Variants in INSC observed in about 807,000 individuals in gnomAD.
INSC encodes the protein INSC spindle orientation adaptor protein, also known as protein inscuteable homolog.
A neutral mutation model predicts 58.6 loss-of-function variants in INSC; 67 were observed. The ratio of observed to expected loss-of-function variants is 1.14; its 90% CI spans 0.94 to 1.40. The LOEUF is 1.40. Among genes scored for constraint, INSC ranks in the 40% most tolerant of loss-of-function variants. INSC has a pLI of 0.00. For missense variants in INSC, 714 were observed against 692.0 expected (o/e 1.03, Z -0.36); for synonymous variants, 262 against 276.1 (o/e 0.95, Z 0.51).
At chr11:15,210,505 TTGTGTGTGTGTGTGTGTG>T (rs56375160) in intron 7 of INSC, among the ~76,000 whole-genome samples, 1 of 135,466 alleles carries the variant, frequency 7.4e-6, no homozygotes, top group Non-Finnish European at 1.6e-5. Context: ...ATTTGAGAGT[TTGTGTGTGTGTGTGTGTG>T]TGTGTGTGTG....
At position 15,146,051 on chromosome 11, in the gene INSC, A is replaced by G. The variant is rs567082287; in HGVS notation, c.-45-3079A>G. Among the ~76,000 whole-genome samples the G allele has an allele frequency of 4.6e-5, 7 of 152,368 alleles. No homozygotes were observed. In the East Asian group the frequency reaches 1.3e-3, roughly 29 times the overall value. ...CTGAATTTAAGAGGTCTCATCTGTA[A>G]CAGAGGATGATGATGGCATTAAACG... On this transcript the variant is annotated intron_variant, in intron 1 of 12. Coordinates refer to ENST00000379556, the MANE Select transcript of INSC (RefSeq NM_001042536.3).
At chr11:15,226,514 C>G (rs1851645227) in intron 9 of INSC, among the ~76,000 whole-genome samples, 1 of 152,350 alleles carries the variant, frequency 6.6e-6, no homozygotes, top group East Asian at 1.9e-4. Flanking sequence ...TCTGGCCACA[C>G]TTGGCCTCCC....
chr11:15,232,922 G>A (rs559293976), intron 9 of INSC, among the ~76,000 whole-genome samples: 18 of 152,300 alleles, frequency 1.2e-4, no homozygotes, highest in African/African-American at 3.6e-4. Flanking sequence ...TCAACAACTT[G>A]ATTTTTGCTA....
At chr11:15,178,817 A>C (rs531219688) in intron 5 of INSC, among the ~76,000 whole-genome samples, 1 of 152,236 alleles carries the variant, frequency 6.6e-6, no homozygotes, top group South Asian at 2.1e-4. Flanking sequence ...GAGCTCCCTG[A>C]GGTCTTTTGC....
intron 7 of INSC, among the ~76,000 whole-genome samples, chr11:15,207,788 A>C (rs934817105): frequency 1.3e-5 from 2 of 152,204 alleles, no homozygotes; most frequent in African/African-American, 4.8e-5. Flanking sequence ...AAGCAAAAAA[A>C]CCTCACTTTA....
chr11:15,217,171 C>T (rs1041460254), intron 7 of INSC, among the ~76,000 whole-genome samples: 1 of 152,146 alleles, frequency 6.6e-6, no homozygotes, highest in African/African-American at 2.4e-5. Context: ...ACTTAACAAT[C>T]ATGGTGGAAG....
chr11:15,239,662 A>AT (rs754711933), intron 11 of INSC, among the ~76,000 whole-genome samples: 3 of 152,202 alleles, frequency 2.0e-5, no homozygotes, highest in Non-Finnish European at 4.4e-5. Context: ...GAGGTGACAG[A>AT]TAAAAAAAGA....
At chr11:15,198,356 G>A (rs1259594659) in intron 6 of INSC, among the ~76,000 whole-genome samples, 1 of 152,136 alleles carries the variant, frequency 6.6e-6, no homozygotes, top group African/African-American at 2.4e-5. Context: ...TCTCCTGGTA[G>A]CTAAAAGTGC....
the INSC span, among the ~76,000 whole-genome samples, chr11:15,252,796 C>T: frequency 6.6e-6 from 1 of 152,106 alleles, no homozygotes; most frequent in African/African-American, 2.4e-5. Context: ...ATTTTAAAAC[C>T]ACCACATTGA....
intron 7 of INSC, among the ~76,000 whole-genome samples, chr11:15,206,533 A>T (rs997199877): frequency 6.6e-6 from 1 of 152,074 alleles, no homozygotes; most frequent in Non-Finnish European, 1.5e-5. Context: ...GAGGGAGAAA[A>T]TGAGGGCCAA....
chr11:15,259,084 T>G, the INSC span, among the ~76,000 whole-genome samples: 1 of 152,192 alleles, frequency 6.6e-6, no homozygotes, highest in African/African-American at 2.4e-5. Flanking sequence ...TGTGTGGACA[T>G]CTTTCCAGAA....
intron 1 of INSC, among the ~76,000 whole-genome samples, chr11:15,128,682 C>T (rs1380519828): frequency 1.3e-5 from 2 of 152,218 alleles, no homozygotes; most frequent in Non-Finnish European, 2.9e-5. Flanking sequence ...AGAGAACCTG[C>T]CACCACATAC....
intron 9 of INSC, among the ~76,000 whole-genome samples, chr11:15,230,003 A>AT (rs1564917691): frequency 5.1e-4 from 13 of 25,502 alleles, no homozygotes; most frequent in African/African-American, 2.1e-3. Flanking sequence ...ATATATATAT[A>AT]TATATATATA....
chr11:15,116,816 T>TCTTTCTTC (rs1847712988), intron 1 of INSC, among the ~76,000 whole-genome samples: 1 of 28,882 alleles, frequency 3.5e-5, no homozygotes, highest in Admixed American at 3.0e-4. Flanking sequence ...TTTCTTTCTT[T>TCTTTCTTC]CTTTCTTTCT....
At chr11:15,124,068 A>C (rs747300935) in intron 1 of INSC, among the ~76,000 whole-genome samples, 1 of 152,082 alleles carries the variant, frequency 6.6e-6, no homozygotes, top group Non-Finnish European at 1.5e-5. Context: ...TCAACTTTCT[A>C]TCTCCTCTTG....
Position 15,175,802 on chromosome 11 carries a change from G to A in INSC, c.118G>A (p.Glu40Lys), listed in dbSNP as rs780511581. The A allele has an allele frequency of 1.1e-4, 179 of 1,603,814 alleles. 1 individual carries two copies. The highest frequency in any genetic ancestry group is 7.8e-5 in the Non-Finnish European group (92 of 1,172,074). The change falls in exon 3 of 13, where the codon GAG becomes AAG. Residue 40 changes from glutamate (E) to lysine (K), a missense_variant. Transcript: ENST00000379556. ...GATGGAAGATCTGAAGCTCATGACC[G>A]AGTGCGAGTGCATGTGTGTCCTGCA... ...RWMEDLKLMT[E>K]CECMCVLQAK...
intron 1 of INSC, 107 bp from the exon 2 acceptor site, chr11:15,149,023 C>G: frequency 7.5e-7 from 1 of 1,327,904 alleles, no homozygotes; most frequent in African/African-American, 1.5e-5. Flanking sequence ...GCTAAGAAGT[C>G]TTACCTCTTT....
chr11:15,194,479 C>T (rs1850298704), intron 6 of INSC, among the ~76,000 whole-genome samples: 1 of 152,168 alleles, frequency 6.6e-6, no homozygotes, highest in African/African-American at 2.4e-5. Context: ...AGTTCTGAAG[C>T]ATGGCCAGAC....
At chr11:15,201,050 C>A in intron 7 of INSC, 101 bp downstream of exon 7, 1 of 1,394,478 alleles carries the variant, frequency 7.2e-7, no homozygotes. Context: ...GGACCAAGTG[C>A]CTCGAGTAGT....
Sources: gnomAD v4.1 joint callset for allele counts (sites outside exome capture counted in the v4.1 genomes callset) on GRCh38, gnomAD v4.1.1 for gene constraint, MANE v1.5 for transcripts, NCBI Gene and HGNC (gene_info 2026-07-23, HGNC 2026-07-21) for gene names.